The following ABCB5 variants were observed in gnomAD, a reference collection of about 807,000 sequenced individuals.
ABCB5 encodes ATP binding cassette subfamily B member 5.
Under a neutral mutation model 144.2 loss-of-function variants are expected in ABCB5, and 155 were observed. The observed-to-expected ratio is 1.08, with a 90% CI of 0.94 to 1.23. The LOEUF is 1.23. Among genes scored for constraint, ABCB5 ranks in the 50% most tolerant of loss-of-function variants. The pLI is 0.00. For synonymous variants in ABCB5, 610 were observed against 528.6 expected (o/e 1.15, Z -2.11); for missense variants, 1,830 against 1,520.8 (o/e 1.20, Z -3.38).
Position 20,755,697 on chromosome 7 carries a change from C to A in ABCB5, c.*73C>A, listed in dbSNP as rs1220021058. On this transcript the variant is annotated 3_prime_UTR_variant, in exon 28 of 28. Transcript: ENST00000404938. Reference sequence around the variant, plus strand: ...GAGTACTTAATAATTACTTGGCAAGCTTTGATCTCTTTTATTGCATATATC... The same window carrying A: ...GAGTACTTAATAATTACTTGGCAAGATTTGATCTCTTTTATTGCATATATC... 6 of 1,374,604 alleles carry A rather than the reference C, an allele frequency of 4.4e-6. No individual in the cohort carries two copies. The highest frequency in any genetic ancestry group is 6.1e-6 in the Non-Finnish European group (6 of 983,834). 85.2% of individuals were successfully genotyped at this position (1,374,604 alleles called of 1,614,324 possible). A position where few individuals can be genotyped will look rare whatever the true frequency, so the allele number is the denominator to read the frequency against.
At chr7:20,674,111 A>C (rs1399028948) in intron 14 of ABCB5, among the ~76,000 whole-genome samples, 1 of 151,982 alleles carries the variant, frequency 6.6e-6, no homozygotes, top group Non-Finnish European at 1.5e-5. Context: ...CATATGTTAT[A>C]AACTCCATGC....
intron 20 of ABCB5, among the ~76,000 whole-genome samples, chr7:20,707,367 T>C (rs565102033): frequency 6.6e-6 from 1 of 152,230 alleles, no homozygotes; most frequent in Non-Finnish European, 1.5e-5. Flanking sequence ...TCCTAGATAG[T>C]TGTCTGAATA....
chr7:20,633,420 G>A (rs528578282), intron 5 of ABCB5, among the ~76,000 whole-genome samples: 2 of 151,952 alleles, frequency 1.3e-5, no homozygotes, highest in South Asian at 4.2e-4. Context: ...ATCTTGTCAA[G>A]GGACACCCAT....
chr7:20,680,970 T>TTTTCTTTC (rs1244502074), intron 14 of ABCB5, among the ~76,000 whole-genome samples: 78 of 131,148 alleles, frequency 5.9e-4, no homozygotes, highest in African/African-American at 7.8e-4. Flanking sequence ...CCTCCTTTCT[T>TTTTCTTTC]TTTCTTTCTT....
In ABCB5 at chr7:20,651,459, C is replaced by T. The variant is rs145374843; in HGVS notation, c.1372C>T (p.Arg458Trp). ...DENDIRALNV[R>W]HYRDHIGVVS... ...GAATGACATCAGAGCTTTAAATGTG[C>T]GGCATTATCGAGACCATATTGGAGT... Residue 458 changes from arginine to tryptophan, a missense_variant, in exon 13 of 28, where the codon CGG becomes TGG. By Grantham distance (101) the Arg-to-Trp change is moderately radical. Coordinates refer to ENST00000404938, the MANE Select transcript of ABCB5 (RefSeq NM_001163941.2). 8.0e-5 allele frequency: 129 copies of T among 1,613,872 alleles called. No individual in the cohort carries two copies. In the African/African-American group the frequency reaches 1.3e-3, roughly 16 times the overall value.
intron 26 of ABCB5, among the ~76,000 whole-genome samples, chr7:20,749,247 T>A (rs1782838738): frequency 7.0e-6 from 1 of 143,124 alleles, no homozygotes. Context: ...TTTTCTTTCT[T>A]CACAGGGTCT....
rs187143833 is a variant in ABCB5, at chr7:20,683,352, G to A, written c.1869+1686G>A. Reference sequence around the variant, plus strand: ...AAAAGTGAGGTGTTATTTGATAATCGAATTTTTATTCCACAGTAGACCTAA... The same window carrying A: ...AAAAGTGAGGTGTTATTTGATAATCAAATTTTTATTCCACAGTAGACCTAA... On this transcript the variant is annotated intron_variant, in intron 15 of 27. Transcript: ENST00000404938. Among the ~76,000 whole-genome samples the A allele has an allele frequency of 3.3e-3, 508 of 152,088 alleles. 12 individuals are homozygous for A. Among genetic ancestry groups the A allele is most frequent in the Non-Finnish European group, 7.7e-4 (52 of 67,952 alleles).
chr7:20,648,528 A>G (rs1344392504), intron 11 of ABCB5, among the ~76,000 whole-genome samples: 1 of 152,054 alleles, frequency 6.6e-6, no homozygotes, highest in Non-Finnish European at 1.5e-5. Flanking sequence ...ACACACACGC[A>G]CACACACACG....
Position 20,643,635 on chromosome 7 carries a change from A to G in ABCB5, c.678+3A>G, listed in dbSNP as rs755805678. The G allele has an allele frequency of 6.8e-6, 11 of 1,613,712 alleles. No homozygotes were observed. In the East Asian group the frequency reaches 8.9e-5, roughly 13 times the overall value. ...CTTCAGCGGCAGCATGTTCTAGGGT[A>G]AGTGAGATGGCTAATGCAATATTGA... On this transcript the variant is annotated splice_donor_region_variant and intron_variant, in intron 7 of 27. Coordinates refer to ENST00000404938, the MANE Select transcript of ABCB5 (RefSeq NM_001163941.2).
chr7:20,629,192 T>C (rs925230222), intron 4 of ABCB5, among the ~76,000 whole-genome samples: 2 of 62,994 alleles, frequency 3.2e-5, no homozygotes, highest in Middle Eastern at 0.011. Context: ...GTGTAAAGAG[T>C]GAGATTTTAA....
chr7:20,685,620 T>G, intron 15 of ABCB5, 76 bp from the exon 16 acceptor site: 1 of 1,343,356 alleles, frequency 7.4e-7, no homozygotes, highest in Non-Finnish European at 1.0e-6. Context: ...ATAACAGCTT[T>G]AAAGAGATGC....
Position 20,685,620 on chromosome 7 carries a change from T to C in ABCB5, c.1870-76T>C. The stretch of plus-strand genomic sequence containing the variant: ...TCAATAGCAAAGGCGATAACAGCTT[T>C]AAAGAGATGCTTAATAAGTTTCCTT... On this transcript the variant is annotated intron_variant, in intron 15 of 27. Coordinates refer to ENST00000404938, the MANE Select transcript of ABCB5 (RefSeq NM_001163941.2). 3.0e-6 allele frequency: 4 copies of C among 1,343,356 alleles called. No homozygotes were observed. In the South Asian group the frequency reaches 4.5e-5, roughly 15 times the overall value. The allele number at this position is 1,343,356 out of a possible 1,614,324, so 83.2% of individuals were successfully genotyped here.
At chr7:20,678,061 A>G (rs1785671988) in intron 14 of ABCB5, among the ~76,000 whole-genome samples, 1 of 151,686 alleles carries the variant, frequency 6.6e-6, no homozygotes, top group South Asian at 2.1e-4. Context: ...TAAAATTGGG[A>G]AAACTGAGAT....
chr7:20,685,103 G>A (rs1278307155), intron 15 of ABCB5, among the ~76,000 whole-genome samples: 3 of 152,118 alleles, frequency 2.0e-5, no homozygotes, highest in South Asian at 2.1e-4. Flanking sequence ...CGCACGTCTC[G>A]GTTTCCCAAA....
chr7:20,705,091 TTAAA>T (rs1786776129), intron 20 of ABCB5, among the ~76,000 whole-genome samples: 1 of 152,148 alleles, frequency 6.6e-6, no homozygotes, highest in Non-Finnish European at 1.5e-5. Flanking sequence ...GAGCTCAGAA[TTAAA>T]TAGTTAGATA....
chr7:20,668,420 T>TC (rs1785296346), intron 14 of ABCB5, among the ~76,000 whole-genome samples: 1 of 150,478 alleles, frequency 6.6e-6, no homozygotes, highest in East Asian at 2.1e-4. Flanking sequence ...CGCAACCCTG[T>TC]CTGGGAGGTG....
chr7:20,641,720 A>G (rs529618407), intron 5 of ABCB5: 2 of 152,816 alleles, frequency 1.3e-5, no homozygotes, highest in South Asian at 4.1e-4. Flanking sequence ...CTCAGCAAGA[A>G]TCATGAAAGG....
At chr7:20,745,192 T>C (rs1562590720) in intron 25 of ABCB5, 40 bp from the exon 26 acceptor site, 2 of 1,577,576 alleles carry the variant, frequency 1.3e-6, no homozygotes, top group Middle Eastern at 1.8e-4. Flanking sequence ...GATACAGTTG[T>C]GTGATCTTAA....
rs967038518 is a variant in ABCB5, at chr7:20,658,693, G to A, written c.1707+17G>A. 1.9e-5 allele frequency: 31 copies of A among 1,611,410 alleles called. No homozygotes were observed. Among genetic ancestry groups the A allele is most frequent in the African/African-American group, 1.3e-4 (10 of 74,710 alleles). On this transcript the variant is annotated intron_variant, in intron 14 of 27. Coordinates refer to ENST00000404938, the MANE Select transcript of ABCB5 (RefSeq NM_001163941.2). ...CTGGAGAAGGTAAGTGAGCAGAAAC[G>A]TTTCTTATTTCCATACTCCTGGTTC...
Sources: allele counts gnomAD v4.1 joint callset (sites outside exome capture counted in the v4.1 genomes callset), GRCh38; gene constraint gnomAD v4.1.1; transcripts MANE v1.5; gene names NCBI Gene and HGNC (gene_info 2026-07-23, HGNC 2026-07-21).